The following LINGO2 variants were observed in gnomAD, a reference collection of about 807,000 sequenced individuals.
LINGO2 encodes leucine-rich repeat and immunoglobulin-like domain-containing nogo receptor-interacting protein 2.
A neutral mutation model predicts 30.6 loss-of-function variants in LINGO2; 14 were observed. That is an observed-to-expected ratio of 0.46 (90% CI 0.30 to 0.72). The LOEUF is 0.72. Ranked by LOEUF, LINGO2 falls within the 30% of genes least tolerant of loss-of-function variation. The probability of loss-of-function intolerance (pLI) is 0.07; values close to 1 mark genes in which losing one functional copy is unlikely to be tolerated. For synonymous variants in LINGO2, 317 were observed against 288.5 expected (o/e 1.10, Z -1.00); for missense variants, 729 against 751.7 (o/e 0.97, Z 0.35).
the LINGO2 span, among the ~76,000 whole-genome samples, chr9:28,792,668 A>C: frequency 6.6e-6 from 1 of 152,150 alleles, no homozygotes; most frequent in African/African-American, 2.4e-5. Flanking sequence ...TTAGTTGAAT[A>C]CTACCTTAAT....
At chr9:28,734,947 T>C in the LINGO2 span, among the ~76,000 whole-genome samples, 1 of 152,182 alleles carries the variant, frequency 6.6e-6, no homozygotes, top group Non-Finnish European at 1.5e-5. Context: ...TTAAAAATTC[T>C]TTTTGTGTTG....
chr9:28,771,074 A>G, the LINGO2 span, among the ~76,000 whole-genome samples: 1 of 152,124 alleles, frequency 6.6e-6, no homozygotes, highest in Non-Finnish European at 1.5e-5. Context: ...CTAACTACCT[A>G]CTGGTCTCCT....
chr9:28,667,176 T>G (rs1247440290), intron 1 of LINGO2, among the ~76,000 whole-genome samples: 1 of 152,174 alleles, frequency 6.6e-6, no homozygotes, highest in African/African-American at 2.4e-5. Context: ...AGTAGTCAAT[T>G]ATTCATGTAA....
At chr9:28,303,037 G>C (rs1449019119) in intron 3 of LINGO2, among the ~76,000 whole-genome samples, 2 of 152,060 alleles carry the variant, frequency 1.3e-5, no homozygotes, top group Non-Finnish European at 2.9e-5. Context: ...CTATCAATTT[G>C]CTTTTGATTT....
chr9:28,598,418 C>CAAAAAAAAAAAAAAAA (rs766825127), intron 1 of LINGO2, among the ~76,000 whole-genome samples: 1 of 109,098 alleles, frequency 9.2e-6, no homozygotes, highest in Non-Finnish European at 1.8e-5. Context: ...TTCTCCATAT[C>CAAAAAAAAAAAAAAAA]AAAAAAAAAA....
chr9:28,136,932 A>T (rs1307059540), intron 4 of LINGO2, among the ~76,000 whole-genome samples: 6 of 152,124 alleles, frequency 3.9e-5, no homozygotes, highest in African/African-American at 1.4e-4. Flanking sequence ...TGAGTAAGGG[A>T]GAATTAGATT....
At chr9:28,787,591 G>A in the LINGO2 span, among the ~76,000 whole-genome samples, 1 of 152,060 alleles carries the variant, frequency 6.6e-6, no homozygotes, top group Admixed American at 6.6e-5. Context: ...TTCCAACTAT[G>A]AGAAGGGAAA....
intron 4 of LINGO2, among the ~76,000 whole-genome samples, chr9:28,119,958 T>C (rs1040910692): frequency 2.0e-5 from 3 of 152,194 alleles, no homozygotes; most frequent in African/African-American, 7.2e-5. Context: ...AGAGTTTCTT[T>C]ATTCCCAACA....
At chr9:28,537,051 G>A (rs1821466284) in intron 1 of LINGO2, among the ~76,000 whole-genome samples, 1 of 151,938 alleles carries the variant, frequency 6.6e-6, no homozygotes, top group Admixed American at 6.6e-5. Context: ...ATGCACACAG[G>A]GATAACACCA....
chr9:28,632,695 T>C (rs1361037983), intron 1 of LINGO2, among the ~76,000 whole-genome samples: 2 of 138,294 alleles, frequency 1.4e-5, no homozygotes, highest in Non-Finnish European at 3.1e-5. Flanking sequence ...TATATTTATA[T>C]AGATCTATAT....
intron 4 of LINGO2, among the ~76,000 whole-genome samples, chr9:28,108,103 A>C (rs944099742): frequency 2.0e-5 from 3 of 152,190 alleles, no homozygotes; most frequent in Non-Finnish European, 4.4e-5. Context: ...ATGGGAGTAC[A>C]TATAGGTCTT....
chr9:28,433,949 C>CTCTCTATATATATATATATATA (rs1225323260), intron 2 of LINGO2, among the ~76,000 whole-genome samples: 40 of 88,512 alleles, frequency 4.5e-4, no homozygotes, highest in African/African-American at 1.7e-3. Flanking sequence ...CTCTCTCTCT[C>CTCTCTATATATATATATATATA]TATATATATA....
chr9:29,136,660 A>G, the LINGO2 span, among the ~76,000 whole-genome samples: 1 of 152,008 alleles, frequency 6.6e-6, no homozygotes, highest in Non-Finnish European at 1.5e-5. Flanking sequence ...CTAATCTTCC[A>G]CTTATTAAAT....
chr9:28,368,272 G>C (rs980731050), intron 3 of LINGO2, among the ~76,000 whole-genome samples: 12 of 152,062 alleles, frequency 7.9e-5, no homozygotes, highest in Non-Finnish European at 4.4e-5. Flanking sequence ...AACCTCTAAG[G>C]CTGATTGGAA....
At chr9:28,346,496 C>G (rs1340209328) in intron 3 of LINGO2, among the ~76,000 whole-genome samples, 1 of 152,138 alleles carries the variant, frequency 6.6e-6, no homozygotes, top group East Asian at 1.9e-4. Context: ...CTGCAATGAA[C>G]ATACGTGTGC....
chr9:28,785,686 G>GCACA, the LINGO2 span, among the ~76,000 whole-genome samples: 1 of 124,460 alleles, frequency 8.0e-6, no homozygotes, highest in Middle Eastern at 3.5e-3. Flanking sequence ...ACACACACAC[G>GCACA]CACACACACA....
chr9:28,553,516 G>A (rs1409017903), intron 1 of LINGO2, among the ~76,000 whole-genome samples: 8 of 152,048 alleles, frequency 5.3e-5, no homozygotes, highest in Non-Finnish European at 1.0e-4. Context: ...CCAAATCTAC[G>A]TCTGATTGGT....
chr9:28,605,095 T>A (rs564498832), intron 1 of LINGO2, among the ~76,000 whole-genome samples: 83 of 152,162 alleles, frequency 5.5e-4, no homozygotes, highest in Non-Finnish European at 9.1e-4. Flanking sequence ...ACGTAGTTAT[T>A]GAGAAATAGA....
the LINGO2 span, among the ~76,000 whole-genome samples, chr9:29,140,341 G>C: frequency 6.6e-6 from 1 of 151,738 alleles, no homozygotes; most frequent in East Asian, 1.9e-4. Context: ...TACCAACAGA[G>C]ATAAGAAATA....
Sources: allele counts gnomAD v4.1 joint callset (sites outside exome capture counted in the v4.1 genomes callset), GRCh38; gene constraint gnomAD v4.1.1; transcripts MANE v1.5; gene names NCBI Gene and HGNC (gene_info 2026-07-23, HGNC 2026-07-21).